The following TENM2 variants were observed in gnomAD, a reference collection of about 807,000 sequenced individuals.
TENM2 encodes teneurin transmembrane protein 2.
TENM2 carries 52 observed loss-of-function variants against 245.2 expected under a neutral mutation model. That is an observed-to-expected ratio of 0.21 (90% confidence interval 0.17 to 0.27). The LOEUF is 0.27. TENM2 is among the 10% of genes least tolerant of loss of function. The pLI is 1.00. For missense variants in TENM2, 3,046 were observed against 3,666.8 expected (o/e 0.83, Z 4.37); for synonymous variants, 1,363 against 1,438.9 (o/e 0.95, Z 1.19).
At chr5:167,155,106 T>G in the TENM2 span, among the ~76,000 whole-genome samples, 1 of 152,250 alleles carries the variant, frequency 6.6e-6, no homozygotes, top group Non-Finnish European at 1.5e-5. Flanking sequence ...AAGTTTTGTG[T>G]ATCCAACATT....
intron 5 of TENM2, among the ~76,000 whole-genome samples, chr5:167,995,969 A>T (rs1318792233): frequency 1.3e-5 from 2 of 152,122 alleles, no homozygotes; most frequent in Non-Finnish European, 2.9e-5. Flanking sequence ...ATTCTGGTTC[A>T]CACATGACTC....
chr5:167,765,184 G>C (rs959106465), intron 2 of TENM2, among the ~76,000 whole-genome samples: 3 of 152,168 alleles, frequency 2.0e-5, no homozygotes, highest in Admixed American at 6.5e-5. Context: ...AGCACTTAAA[G>C]GGAGGATGCA....
chr5:167,063,317 C>T, the TENM2 span, among the ~76,000 whole-genome samples: 1 of 152,094 alleles, frequency 6.6e-6, no homozygotes, highest in African/African-American at 2.4e-5. Flanking sequence ...CAAAGCCAAG[C>T]TGCTAAATTA....
chr5:167,045,819 T>C, the TENM2 span, among the ~76,000 whole-genome samples: 1 of 152,186 alleles, frequency 6.6e-6, no homozygotes, highest in African/African-American at 2.4e-5. Flanking sequence ...CAACGGGTTA[T>C]TCACTCAGAC....
chr5:167,377,598 A>C (rs549140697), intron 2 of TENM2, among the ~76,000 whole-genome samples: 1 of 152,320 alleles, frequency 6.6e-6, no homozygotes, highest in South Asian at 2.1e-4. Context: ...AAAAATAAGA[A>C]ATTTTACACA....
At chr5:167,058,712 C>T in the TENM2 span, among the ~76,000 whole-genome samples, 1 of 152,054 alleles carries the variant, frequency 6.6e-6, no homozygotes, top group Admixed American at 6.6e-5. Context: ...GACAGTGCCA[C>T]TGCACGCCAG....
intron 2 of TENM2, among the ~76,000 whole-genome samples, chr5:167,825,502 T>G (rs1036876089): frequency 3.3e-5 from 5 of 152,188 alleles, no homozygotes; most frequent in African/African-American, 1.2e-4. Context: ...AGCCATCTCC[T>G]TTTCATCTTC....
chr5:168,156,695 T>C (rs1413403741), intron 12 of TENM2, among the ~76,000 whole-genome samples: 1 of 152,192 alleles, frequency 6.6e-6, no homozygotes, highest in Non-Finnish European at 1.5e-5. Flanking sequence ...CCTGCCTAGC[T>C]GGTAACTGTG....
intron 14 of TENM2, 76 bp from the exon 17 acceptor site, chr5:168,195,100 A>G: frequency 2.0e-6 from 3 of 1,519,388 alleles, no homozygotes; most frequent in Non-Finnish European, 2.7e-6. Flanking sequence ...GATGAGGATG[A>G]GGGAGCAGAG....
At chr5:167,537,448 C>G (rs1280748378) in intron 2 of TENM2, among the ~76,000 whole-genome samples, 1 of 152,130 alleles carries the variant, frequency 6.6e-6, no homozygotes, top group Non-Finnish European at 1.5e-5. Flanking sequence ...GGAATCATTT[C>G]AAATTATTGT....
At chr5:168,091,402 G>C (rs887953624) in intron 8 of TENM2, among the ~76,000 whole-genome samples, 1 of 152,148 alleles carries the variant, frequency 6.6e-6, no homozygotes, top group Non-Finnish European at 1.5e-5. Flanking sequence ...GAAAAGCGAA[G>C]TTTCAACCAA....
the TENM2 span, among the ~76,000 whole-genome samples, chr5:167,265,223 C>T: frequency 6.7e-6 from 1 of 149,948 alleles, no homozygotes; most frequent in Non-Finnish European, 1.5e-5. Context: ...GTCCCAGCTA[C>T]CAGGGAGGCT....
chr5:167,845,672 C>T (rs1195763276), intron 2 of TENM2, among the ~76,000 whole-genome samples: 3 of 152,150 alleles, frequency 2.0e-5, no homozygotes, highest in Non-Finnish European at 4.4e-5. Flanking sequence ...GACAAATAGA[C>T]AGAATATTGT....
chr5:167,319,063 A>G (rs1756555115), intron 1 of TENM2, among the ~76,000 whole-genome samples: 1 of 152,182 alleles, frequency 6.6e-6, no homozygotes, highest in Non-Finnish European at 1.5e-5. Flanking sequence ...TTATCAATTG[A>G]TATACAGTTG....
At chr5:167,411,664 TA>T (rs997978555) in intron 2 of TENM2, among the ~76,000 whole-genome samples, 1 of 151,792 alleles carries the variant, frequency 6.6e-6, no homozygotes, top group Non-Finnish European at 1.5e-5. Flanking sequence ...TAGCTTAAAA[TA>T]TCTCTACAGG....
rs187124687 is a variant in TENM2 at position 167,659,246 on chromosome 5, A to G, written c.503-216740A>G. On this transcript the variant is annotated intron_variant, in intron 2 of 28. Transcript: ENST00000518659. Reference sequence around the variant, plus strand: ...TAAATTCCTGTGGAACAAAGATAAGATAAAGAGGAAAACAAATGATGCTTA... The same window carrying G: ...TAAATTCCTGTGGAACAAAGATAAGGTAAAGAGGAAAACAAATGATGCTTA... Among the ~76,000 whole-genome samples the G allele has an allele frequency of 1.1e-4, 16 of 152,360 alleles. No homozygotes were observed. The East Asian group carries it at 3.1e-3, about 29-fold the overall frequency.
At chr5:167,964,449 A>G (rs192881167) in intron 4 of TENM2, among the ~76,000 whole-genome samples, 37 of 152,302 alleles carry the variant, frequency 2.4e-4, no homozygotes, top group African/African-American at 4.3e-4. Flanking sequence ...ACGGTTTGCA[A>G]TTTGCCTTTT....
chr5:168,162,543 A>T, intron 12 of TENM2, 68 bp from the exon 15 acceptor site: 1 of 1,559,456 alleles, frequency 6.4e-7, no homozygotes, highest in Non-Finnish European at 8.7e-7. Context: ...TCCCCTCTGC[A>T]TGGCTCCCCT....
intron 2 of TENM2, among the ~76,000 whole-genome samples, chr5:167,657,682 T>A (rs1221992409): frequency 6.6e-6 from 1 of 151,822 alleles, no homozygotes; most frequent in African/African-American, 2.4e-5. Flanking sequence ...GTATAGTCTC[T>A]CTTATAACTT....
Sources: allele counts gnomAD v4.1 joint callset (sites outside exome capture counted in the v4.1 genomes callset), GRCh38; gene constraint gnomAD v4.1.1; transcripts MANE v1.5; gene names NCBI Gene and HGNC (gene_info 2026-07-23, HGNC 2026-07-21).